Variants in NRG2 observed in about 807,000 individuals in gnomAD.
NRG2 encodes neuregulin 2.
Under a neutral mutation model 73.9 loss-of-function variants are expected in NRG2, and 27 were observed. That is an observed-to-expected ratio of 0.37 (90% CI 0.27 to 0.50). The LOEUF (loss-of-function observed/expected upper bound fraction) is 0.50, where lower values mean the gene tolerates loss of function less well. Among genes scored for constraint, NRG2 ranks in the 20% least tolerant of loss-of-function variants. The pLI is 0.96. For synonymous variants in NRG2, 532 were observed against 541.0 expected (o/e 0.98, Z 0.23); for missense variants, 1,126 against 1,210.1 (o/e 0.93, Z 1.03).
At chr5:139,943,660 C>A (rs1753577013) in intron 1 of NRG2, among the ~76,000 whole-genome samples, 1 of 152,170 alleles carries the variant, frequency 6.6e-6, no homozygotes, top group Non-Finnish European at 1.5e-5. Flanking sequence ...ACAAAATAAT[C>A]TACAGTACAT....
intron 9 of NRG2, among the ~76,000 whole-genome samples, chr5:139,849,798 C>T (rs1761288153): frequency 6.6e-6 from 1 of 152,216 alleles, no homozygotes; most frequent in Non-Finnish European, 1.5e-5. Flanking sequence ...CACTCTCCAC[C>T]CCATCCTGGG....
intron 1 of NRG2, among the ~76,000 whole-genome samples, chr5:139,964,330 A>G (rs149230949): frequency 6.6e-6 from 1 of 151,076 alleles, no homozygotes; most frequent in East Asian, 1.9e-4. Flanking sequence ...GAGAGAATGT[A>G]TGGTTAGTCA....
Position 139,847,731 on chromosome 5 carries a change from G to C in NRG2, c.*186C>G, listed in dbSNP as rs1392783950. The C allele has an allele frequency of 2.5e-6, 1 of 401,906 alleles. No homozygotes were observed. Among genetic ancestry groups the C allele is most frequent in the Non-Finnish European group, 4.3e-6 (1 of 234,854 alleles). 24.9% of individuals were successfully genotyped at this position (401,906 alleles called of 1,614,324 possible). On this transcript the variant is annotated 3_prime_UTR_variant, in exon 10 of 10. Coordinates refer to ENST00000361474, the MANE Select transcript of NRG2 (RefSeq NM_004883.3). ...ATAGTTTCCCTATAAAAACGCCTTTGCCGTTAGCTAGTATTATAAGACAAT... is the reference window on the plus strand; with the variant it reads ...ATAGTTTCCCTATAAAAACGCCTTTCCCGTTAGCTAGTATTATAAGACAAT...
intron 3 of NRG2, among the ~76,000 whole-genome samples, chr5:139,873,009 C>T (rs1026051860): frequency 2.6e-5 from 4 of 152,112 alleles, no homozygotes; most frequent in African/African-American, 9.7e-5. Context: ...TGGGTCTCTC[C>T]ACTCCCCTCA....
intron 1 of NRG2, among the ~76,000 whole-genome samples, chr5:140,027,078 T>C (rs887403375): frequency 1.6e-4 from 24 of 152,012 alleles, no homozygotes; most frequent in East Asian, 1.9e-4. Context: ...CCTCCCAGAC[T>C]CAAGTGAGCC....
intron 1 of NRG2, among the ~76,000 whole-genome samples, chr5:140,016,464 T>G (rs1196267970): frequency 6.6e-6 from 1 of 152,220 alleles, no homozygotes; most frequent in East Asian, 1.9e-4. Context: ...TCTCCTCAGT[T>G]CAGCTGTCAT....
Position 139,887,206 on chromosome 5 carries a change from A to T in NRG2, c.872+134T>A. 9.9e-7 allele frequency: 1 copy of T among 1,010,436 alleles called. No individual in the cohort carries two copies. Among genetic ancestry groups the T allele is most frequent in the Middle Eastern group, 3.2e-4 (1 of 3,084 alleles). The allele number at this position is 1,010,436 out of a possible 1,614,324, so 62.6% of individuals were successfully genotyped here. A position where few individuals can be genotyped will look rare whatever the true frequency, so the allele number is the denominator to read the frequency against. ...GCTGGGAGTGGCAAGGAAGGGGAGT[A>T]TGGAGAGGGGCTGGGACTGGTTCCA... On this transcript the variant is annotated intron_variant, in intron 2 of 9. Transcript: ENST00000361474. The surrounding 1 kb of genome is among the most constrained non-coding windows in gnomAD (Gnocchi z 4.5).
intron 1 of NRG2, among the ~76,000 whole-genome samples, chr5:139,914,545 G>T (rs1047249567): frequency 5.9e-5 from 9 of 152,108 alleles, no homozygotes; most frequent in Admixed American, 4.6e-4. Context: ...AAGCTCCTCT[G>T]CCAAATTCCC....
chr5:139,923,585 C>A (rs551196901), intron 1 of NRG2, among the ~76,000 whole-genome samples: 1 of 152,314 alleles, frequency 6.6e-6, no homozygotes, highest in East Asian at 1.9e-4. Flanking sequence ...ATGGACTATA[C>A]CCTTAGCAAG....
At position 140,042,614 on chromosome 5, in the gene NRG2, C is replaced by T. The variant is rs764320378; in HGVS notation, c.456G>A (p.Pro152=). 4 of 1,609,448 alleles carry T rather than the reference C, an allele frequency of 2.5e-6. No individual in the cohort carries two copies. The highest frequency in any genetic ancestry group is 1.1e-5 in the South Asian group (1 of 90,600). Residue 152 remains proline, a synonymous_variant, in exon 1 of 10, where the codon CCG becomes CCA. Transcript: ENST00000361474. ...CCAACGCCACCCGACCCGAGGCGGGCGGCTCTCGGGTGCTGTTGGAGCTGG... is the reference window on the plus strand; with the variant it reads ...CCAACGCCACCCGACCCGAGGCGGGTGGCTCTCGGGTGCTGTTGGAGCTGG... ...GGSSSNSTRE[P]PASGRVALVK... is the part of the protein sequence containing the mutation.
intron 1 of NRG2, among the ~76,000 whole-genome samples, chr5:139,991,888 T>G (rs1757657620): frequency 6.6e-6 from 1 of 152,218 alleles, no homozygotes; most frequent in Non-Finnish European, 1.5e-5. Context: ...GTTTCTGAGC[T>G]TTCTAATATA....
intron 1 of NRG2, among the ~76,000 whole-genome samples, chr5:139,909,186 A>T (rs1765435104): frequency 6.6e-6 from 1 of 152,256 alleles, no homozygotes; most frequent in Non-Finnish European, 1.5e-5. Flanking sequence ...TAACTGGCTT[A>T]CAAACTTTTT....
chr5:139,873,757 C>T (rs377135285), intron 3 of NRG2, among the ~76,000 whole-genome samples: 3 of 152,360 alleles, frequency 2.0e-5, no homozygotes, highest in South Asian at 4.1e-4. Context: ...CATTGTTTCA[C>T]CCCAGTCGAG....
chr5:139,952,686 G>A (rs925415716), intron 1 of NRG2, among the ~76,000 whole-genome samples: 21 of 152,288 alleles, frequency 1.4e-4, no homozygotes, highest in Admixed American at 1.1e-3. Flanking sequence ...CACTAAGGCC[G>A]AGCTCTCCCC....
intron 1 of NRG2, among the ~76,000 whole-genome samples, chr5:140,011,763 A>G (rs1759384004): frequency 6.6e-6 from 1 of 152,240 alleles, no homozygotes. Context: ...TGGAGGACTC[A>G]CATCTGGATT....
Position 139,870,413 on chromosome 5 carries a change from C to T in NRG2, c.1112+1308G>A, listed in dbSNP as rs867082950. The stretch of plus-strand genomic sequence containing the variant: ...GAGGCCAGCCGGGGCAAGAGCCCCT[C>T]GTTACCATGTTGTTAGGTGGAGGGG... On this transcript the variant is annotated intron_variant, in intron 4 of 9. Transcript: ENST00000361474. This position sits in a 1 kb window ranked among gnomAD's most constrained non-coding sequence, Gnocchi z 4.4. Among the ~76,000 whole-genome samples, 4 of 152,086 alleles carry T rather than the reference C, an allele frequency of 2.6e-5. No homozygotes were observed. Among genetic ancestry groups the T allele is most frequent in the Non-Finnish European group, 1.5e-5 (1 of 67,994 alleles).
rs554367285 is a variant in NRG2, at chr5:139,879,253, G to A, written c.991+1603C>T. On this transcript the variant is annotated intron_variant, in intron 3 of 9. Coordinates refer to ENST00000361474, the MANE Select transcript of NRG2 (RefSeq NM_004883.3). ...CTCACAGATTCACTGGGATGGCCAC[G>A]CCCACAGAGAAAGTTCAGCAATAGC... Among the ~76,000 whole-genome samples, 5 of 150,194 alleles carry A rather than the reference G, an allele frequency of 3.3e-5. No individual in the cohort carries two copies. The South Asian group carries it at 6.5e-4, about 19-fold the overall frequency.
intron 1 of NRG2, among the ~76,000 whole-genome samples, chr5:140,016,326 A>G (rs1296967668): frequency 1.3e-5 from 2 of 152,216 alleles, no homozygotes; most frequent in East Asian, 3.8e-4. Flanking sequence ...TTTGAAACTA[A>G]AATTTTGGAC....
chr5:140,011,890 T>G (rs1207322322), intron 1 of NRG2, among the ~76,000 whole-genome samples: 2 of 152,224 alleles, frequency 1.3e-5, no homozygotes, highest in African/African-American at 4.8e-5. Context: ...CAAAAATCAT[T>G]AATCTATTAA....
Sources: gnomAD v4.1 joint callset for allele counts (sites outside exome capture counted in the v4.1 genomes callset) on GRCh38, gnomAD v4.1.1 for gene constraint, Gnocchi (gnomAD v3.1) non-coding constraint, MANE v1.5 for transcripts, NCBI Gene and HGNC (gene_info 2026-07-23, HGNC 2026-07-21) for gene names.